The following RPS6KA5 variants were observed in gnomAD, a reference collection of about 807,000 sequenced individuals.
RPS6KA5 encodes the protein ribosomal protein S6 kinase A5.
In RPS6KA5, 27 loss-of-function variants were observed where a neutral mutation model predicts 85.5. The ratio of observed to expected loss-of-function variants is 0.32; its 90% CI spans 0.23 to 0.44. The LOEUF (loss-of-function observed/expected upper bound fraction) is 0.44, where lower values mean the gene tolerates loss of function less well. Ranked by LOEUF, RPS6KA5 falls within the 20% of genes least tolerant of loss-of-function variation. The pLI is 1.00. For synonymous variants in RPS6KA5, 334 were observed against 348.2 expected (o/e 0.96, Z 0.46); for missense variants, 811 against 980.9 (o/e 0.83, Z 2.31).
In RPS6KA5 at chr14:90,864,889, CT is replaced by C. The variant is rs2032734094; in HGVS notation, c.*7184del. The C allele has an allele frequency of 6.6e-6, 1 of 152,170 alleles. No individual in the cohort carries two copies. Among genetic ancestry groups the C allele is most frequent in the South Asian group, 2.1e-4 (1 of 4,824 alleles). 9.4% of individuals were successfully genotyped at this position (152,170 alleles called of 1,614,324 possible). A position where few individuals can be genotyped will look rare whatever the true frequency, so the allele number is the denominator to read the frequency against. The stretch of plus-strand genomic sequence containing the variant: ...ATACACATTTGTCAGAGTGGCTAAA[CT>C]ACTAGGGCTGATGGTACCAAGCACT... On this transcript the variant is annotated 3_prime_UTR_variant, in exon 17 of 17. Coordinates refer to ENST00000614987, the MANE Select transcript of RPS6KA5 (RefSeq NM_004755.4).
chr14:90,956,579 C>T (rs1285513561), intron 3 of RPS6KA5, among the ~76,000 whole-genome samples: 2 of 151,626 alleles, frequency 1.3e-5, no homozygotes, highest in Admixed American at 6.6e-5. Flanking sequence ...CTTTTTTGTT[C>T]CTCTAGTCTA....
Position 90,899,321 on chromosome 14 carries a change from T to C in RPS6KA5, c.1473+8A>G. ...ACATGGGAAAAAAAAAAAAAAAAAG[T>C]AGGATACCTGATCATGAAAAACTTC... On this transcript the variant is annotated splice_region_variant and intron_variant, in intron 12 of 16. Coordinates refer to ENST00000614987, the MANE Select transcript of RPS6KA5 (RefSeq NM_004755.4). 7.0e-7 allele frequency: 1 copy of C among 1,437,684 alleles called. No individual in the cohort carries two copies. The highest frequency in any genetic ancestry group is 9.4e-7 in the Non-Finnish European group (1 of 1,064,280). 89.1% of individuals were successfully genotyped at this position (1,437,684 alleles called of 1,614,324 possible). A position where few individuals can be genotyped will look rare whatever the true frequency, so the allele number is the denominator to read the frequency against.
chr14:90,884,909 C>T (rs2034087154), intron 14 of RPS6KA5, among the ~76,000 whole-genome samples: 1 of 152,136 alleles, frequency 6.6e-6, no homozygotes, highest in Non-Finnish European at 1.5e-5. Flanking sequence ...AAAGTCTGCT[C>T]TACTTCTTTG....
rs548674153 is a variant in RPS6KA5 at position 90,887,472 on chromosome 14, T to C, written c.1836+3015A>G. The stretch of plus-strand genomic sequence containing the variant: ...CCCGAAGTGCTGGGATTACAGACTG[T>C]GTCTGTCCATAAAAGGCAAGCACCT... On this transcript the variant is annotated intron_variant, in intron 14 of 16. Transcript: ENST00000614987. Among the ~76,000 whole-genome samples the C allele has an allele frequency of 2.6e-5, 4 of 152,156 alleles. No homozygotes were observed. The South Asian group carries it at 6.2e-4, about 24-fold the overall frequency.
At chr14:91,050,471 C>T (rs10151343) in intron 1 of RPS6KA5, among the ~76,000 whole-genome samples, 1,739 of 152,348 alleles carry the variant, frequency 0.011, 17 homozygotes, top group South Asian at 0.034. Flanking sequence ...CTCTGTCCCT[C>T]AGGCTGGAGT....
intron 3 of RPS6KA5, among the ~76,000 whole-genome samples, chr14:90,976,898 T>C (rs1473048989): frequency 1.3e-5 from 2 of 152,116 alleles, no homozygotes; most frequent in Admixed American, 6.5e-5. Context: ...ATTTCTAATA[T>C]AAAAGCACTC....
At chr14:90,983,548 T>C (rs914533032) in intron 2 of RPS6KA5, among the ~76,000 whole-genome samples, 4 of 148,234 alleles carry the variant, frequency 2.7e-5, no homozygotes, top group African/African-American at 1.0e-4. Context: ...TGCAGAGAGC[T>C]GAGATCGTGC....
chr14:90,902,774 G>A (rs2035246712), intron 9 of RPS6KA5, 34 bp downstream of exon 9: 2 of 1,584,126 alleles, frequency 1.3e-6, no homozygotes, highest in African/African-American at 1.4e-5. Flanking sequence ...AAGGACATAT[G>A]GCCAATGTGC....
chr14:90,889,314 AAAAG>A (rs1440366220), intron 14 of RPS6KA5, among the ~76,000 whole-genome samples: 1 of 151,446 alleles, frequency 6.6e-6, no homozygotes, highest in African/African-American at 2.4e-5. Context: ...AAAAAAAAAA[AAAAG>A]AGTAATTCAT....
chr14:91,010,469 T>C (rs1221032552), intron 1 of RPS6KA5, among the ~76,000 whole-genome samples: 3 of 152,166 alleles, frequency 2.0e-5, no homozygotes, highest in Admixed American at 6.5e-5. Flanking sequence ...AATTGTTCAA[T>C]AACATTGCAA....
rs117144588 is a variant in RPS6KA5 at position 90,900,568 on chromosome 14, C to A, written c.1245+43G>T. 1,443 of 1,582,842 alleles carry A rather than the reference C, an allele frequency of 9.1e-4. 16 individuals carry two copies. In the East Asian group the frequency reaches 0.028, roughly 30 times the overall value. On this transcript the variant is annotated intron_variant, in intron 10 of 16. Transcript: ENST00000614987. ...ATTAGAGTTGGTATTTAAACACTCA[C>A]AAAACCTACAAATATGTCATATAAG...
At chr14:90,945,111 G>A (rs2140361341) in intron 4 of RPS6KA5, among the ~76,000 whole-genome samples, 1 of 152,076 alleles carries the variant, frequency 6.6e-6, no homozygotes, top group Admixed American at 6.5e-5. Context: ...AATTAGCCAG[G>A]TGTGGTTGCG....
At position 90,960,014 on chromosome 14, in the gene RPS6KA5, C is replaced by A. The variant is rs572906147; in HGVS notation, c.395-12464G>T. Among the ~76,000 whole-genome samples the A allele has an allele frequency of 1.1e-4, 17 of 152,296 alleles. No individual in the cohort carries two copies. In the South Asian group the frequency reaches 3.5e-3, roughly 32 times the overall value. ...ACACCACCAACTTGATCATGCCCAG[C>A]ATGCCCACCAGTGCCACACTCCCTC... On this transcript the variant is annotated intron_variant, in intron 3 of 16. Transcript: ENST00000614987.
chr14:90,867,296 A>G lies in RPS6KA5; in HGVS notation c.*4778T>C, dbSNP rs544860067. 98 of 152,258 alleles carry G rather than the reference A, an allele frequency of 6.4e-4. No homozygotes were observed. Among genetic ancestry groups the G allele is most frequent in the African/African-American group, 2.3e-3 (97 of 41,560 alleles). The allele number at this position is 152,258 out of a possible 1,614,324, so 9.4% of individuals were successfully genotyped here. A position where few individuals can be genotyped will look rare whatever the true frequency, so the allele number is the denominator to read the frequency against. On this transcript the variant is annotated 3_prime_UTR_variant, in exon 17 of 17. Transcript: ENST00000614987. ...ATTAAGAAAATTTAAAACGTAAATGAAAAAACTGCTTAATGTGGCAAGGAA... is the reference window on the plus strand; with the variant it reads ...ATTAAGAAAATTTAAAACGTAAATGGAAAAACTGCTTAATGTGGCAAGGAA...
chr14:91,016,893 A>G (rs930533143), intron 1 of RPS6KA5, among the ~76,000 whole-genome samples: 16 of 150,126 alleles, frequency 1.1e-4, no homozygotes, highest in Non-Finnish European at 2.1e-4. Context: ...AACTGAAGGT[A>G]TTTGTATTCT....
chr14:90,943,271 A>ATTTAT, intron 4 of RPS6KA5, 86 bp from the exon 5 acceptor site: 1 of 563,192 alleles, frequency 1.8e-6, no homozygotes, highest in Middle Eastern at 5.1e-4. Context: ...TTATTTATTT[A>ATTTAT]TTTTTTTTTT....
intron 1 of RPS6KA5, among the ~76,000 whole-genome samples, chr14:91,005,599 A>T (rs932572422): frequency 6.6e-5 from 10 of 152,206 alleles, no homozygotes; most frequent in African/African-American, 2.4e-4. Context: ...ATATCATATT[A>T]TATAGAATCC....
rs2032360549 is a variant in RPS6KA5, at chr14:90,857,827, C to G, written c.*14247G>C. ...TTCTATAAAAACAGGCTGCAAGTGC[C>G]AAAGTGACACAGATCTTATCTTAAA... is the stretch of plus-strand genomic sequence containing the variant. On this transcript the variant is annotated 3_prime_UTR_variant, in exon 17 of 17. Transcript: ENST00000614987. 6.6e-6 allele frequency: 1 copy of G among 152,118 alleles called. No individual in the cohort carries two copies. The highest frequency in any genetic ancestry group is 1.5e-5 in the Non-Finnish European group (1 of 68,026). The allele number at this position is 152,118 out of a possible 1,614,324, so 9.4% of individuals were successfully genotyped here. A position where few individuals can be genotyped will look rare whatever the true frequency, so the allele number is the denominator to read the frequency against.
intron 1 of RPS6KA5, 29 bp from the exon 2 acceptor site, chr14:91,001,188 C>T (rs773593451): frequency 2.1e-6 from 3 of 1,408,670 alleles, no homozygotes; most frequent in Non-Finnish European, 3.0e-6. Context: ...AAAAAAAAAA[C>T]AAGAGGGTCA....
Sources: gnomAD v4.1 joint callset for allele counts (sites outside exome capture counted in the v4.1 genomes callset) on GRCh38, gnomAD v4.1.1 for gene constraint, MANE v1.5 for transcripts, NCBI Gene and HGNC (gene_info 2026-07-23, HGNC 2026-07-21) for gene names.